SASS6: variants seen among roughly 807,000 people sequenced by gnomAD.
SASS6 encodes the protein SAS-6 centriolar assembly protein.
SASS6 carries 59 observed loss-of-function variants against 94.9 expected under a neutral mutation model. The observed-to-expected ratio is 0.62, with a 90% CI of 0.50 to 0.77. SASS6 has a LOEUF of 0.77. Ranked by LOEUF, SASS6 falls within the 30% of genes least tolerant of loss-of-function variation. The pLI, the probability that SASS6 is intolerant of heterozygous loss-of-function variation, is 0.00. For missense variants in SASS6, 698 were observed against 734.1 expected, an observed-to-expected ratio of 0.95 and a Z score of 0.57; for synonymous variants, 264 against 270.0, an observed-to-expected ratio of 0.98 and a Z score of 0.22.
At chr1:100,121,005 C>T (rs920497854) in intron 5 of SASS6, among the ~76,000 whole-genome samples, 1 of 148,544 alleles carries the variant, frequency 6.7e-6, no homozygotes, top group African/African-American at 2.5e-5. Flanking sequence ...AGCCGAGATC[C>T]CGCCACTGCA....
intron 15 of SASS6, among the ~76,000 whole-genome samples, chr1:100,086,271 G>A (rs1023735164): frequency 6.6e-6 from 1 of 152,016 alleles, no homozygotes; most frequent in African/African-American, 2.4e-5. Context: ...TTAAATGATG[G>A]TTGCTCTTGA....
Position 100,097,138 on chromosome 1 carries a change from A to G in SASS6, c.1674+5817T>C, listed in dbSNP as rs370978430. 2.1e-4 allele frequency among the ~76,000 whole-genome samples: 32 copies of G among 152,300 alleles called. No homozygotes were observed. In the South Asian group the frequency reaches 5.6e-3, roughly 27 times the overall value. ...TCAATAAATAAATAAAATCACAATG[A>G]GGTACTTCTATGCATGTATTAGAAT... On this transcript the variant is annotated intron_variant, in intron 14 of 16. Transcript: ENST00000287482.
At chr1:100,087,352 C>G (rs906477023) in intron 15 of SASS6, among the ~76,000 whole-genome samples, 4 of 152,106 alleles carry the variant, frequency 2.6e-5, no homozygotes, top group Admixed American at 2.6e-4. Context: ...GGATAAGAAC[C>G]CTCTTTGAGC....
chr1:100,110,568 T>C, intron 7 of SASS6, 85 bp from the exon 8 acceptor site: 1 of 662,918 alleles, frequency 1.5e-6, no homozygotes, highest in Non-Finnish European at 2.3e-6. Flanking sequence ...AAAAAAAAAT[T>C]GTAATTTCTT....
chr1:100,101,489 T>C (rs1446024385), intron 14 of SASS6, among the ~76,000 whole-genome samples: 1 of 152,120 alleles, frequency 6.6e-6, no homozygotes, highest in Non-Finnish European at 1.5e-5. Flanking sequence ...TATTATTTTA[T>C]AAGCCATCTT....
rs551358897 is a variant in SASS6, at chr1:100,123,392, T to C, written c.127-103A>G. 5.5e-5 allele frequency: 32 copies of C among 579,882 alleles called. No individual in the cohort carries two copies. In the Admixed American group the frequency reaches 1.0e-3, roughly 19 times the overall value. 35.9% of individuals were successfully genotyped at this position (579,882 alleles called of 1,614,324 possible). A position where few individuals can be genotyped will look rare whatever the true frequency, so the allele number is the denominator to read the frequency against. On this transcript the variant is annotated intron_variant, in intron 2 of 16. Transcript: ENST00000287482. ...ATCCAACAACATCAGTGTATCATAG[T>C]TATATTGCAGACAGCTTTGTTTTCT...
At position 100,110,306 on chromosome 1, in the gene SASS6, A is replaced by C; in HGVS notation, c.847T>G (p.Ser283Ala). The C allele has an allele frequency of 6.4e-7, 1 of 1,566,120 alleles. No homozygotes were observed. Among genetic ancestry groups the C allele is most frequent in the South Asian group, 1.2e-5 (1 of 83,058 alleles). Residue 283 changes from serine to alanine, a missense_variant, in exon 8 of 17, where the codon TCT becomes GCT. By Grantham distance (99) the Ser-to-Ala change is moderately conservative. Coordinates refer to ENST00000287482, the MANE Select transcript of SASS6 (RefSeq NM_194292.3). ...ACATTCAATACCTCTTCAACACCAG[A>C]AAGTTTTGCTTTAAGTTCTCTAATA... ...STIRELKAKL[S>A]GVEEELQRTK...
rs2101681863 is a variant in SASS6 at position 100,119,122 on chromosome 1, T to C, written c.565A>G (p.Lys189Glu). 1 of 1,564,932 alleles carries C rather than the reference T, an allele frequency of 6.4e-7. No homozygotes were observed. Among genetic ancestry groups the C allele is most frequent in the Non-Finnish European group, 8.7e-7 (1 of 1,144,894 alleles). The change falls in exon 7 of 17, where the codon AAA (lysine) becomes GAA (glutamate). Residue 189 changes from lysine to glutamate, a missense_variant. Physicochemically the swap from Lys to Glu is moderately conservative, Grantham distance 56. Transcript: ENST00000287482. ...DFTRKTLAEKKQELDKLRNEW... is the reference protein window; with the variant it reads ...DFTRKTLAEKEQELDKLRNEW... ...TTCCGTAACTTATCTAATTCTTGTT[T>C]TTTTTCTGCTAATGTCTACATTAGA...
At chr1:100,095,206 C>T (rs932884126) in intron 14 of SASS6, among the ~76,000 whole-genome samples, 3 of 152,154 alleles carry the variant, frequency 2.0e-5, no homozygotes, top group African/African-American at 7.2e-5. Flanking sequence ...AGGAACAAGG[C>T]CAGAATGTCT....
At position 100,110,381 on chromosome 1, in the gene SASS6, C is replaced by T. The variant is rs780249523; in HGVS notation, c.772G>A (p.Glu258Lys). ...HQLQNRLSEL[E>K]AANKDLTERK... ...TCGGTTAAGTCTTTATTAGCCGCTT[C>T]TAACTCAGACAGTCTGTTTTGTAGC... Residue 258 changes from glutamate to lysine, a missense_variant, in exon 8 of 17, where the codon GAA becomes AAA. Physicochemically the swap from Glu to Lys is moderately conservative, Grantham distance 56 (BLOSUM62 1). Coordinates refer to ENST00000287482, the MANE Select transcript of SASS6 (RefSeq NM_194292.3). 1.2e-6 allele frequency: 2 copies of T among 1,608,430 alleles called. No individual in the cohort carries two copies. The highest frequency in any genetic ancestry group is 2.2e-5 in the South Asian group (2 of 90,854).
chr1:100,087,143 G>A (rs1354327703), intron 15 of SASS6, among the ~76,000 whole-genome samples: 1 of 151,972 alleles, frequency 6.6e-6, no homozygotes, highest in African/African-American at 2.4e-5. Context: ...CACCACGCCC[G>A]GTTAATTTTT....
chr1:100,091,538 C>T (rs886563600), intron 14 of SASS6, among the ~76,000 whole-genome samples: 7 of 143,242 alleles, frequency 4.9e-5, no homozygotes, highest in Non-Finnish European at 9.0e-5. Context: ...CAAGATGACA[C>T]AAATACTGGA....
Position 100,125,890 on chromosome 1 carries a change from G to T in SASS6, c.118C>A (p.His40Asn). Residue 40 changes from histidine to asparagine, a missense_variant, in exon 2 of 17, where the codon CAC becomes AAC. Physicochemically the swap from His to Asn is moderately conservative, Grantham distance 68 (BLOSUM62 1). Transcript: ENST00000287482. ...IELQSVSNPV[H>N]RKDLVIRLTD... ...AAGGACTAAATACCAACCTTTCTGT[G>T]AACTGGATTAGAAACTGATTGTAGT... The T allele has an allele frequency of 1.3e-6, 2 of 1,528,216 alleles. No individual in the cohort carries two copies. Among genetic ancestry groups the T allele is most frequent in the African/African-American group, 1.4e-5 (1 of 72,458 alleles). The allele number at this position is 1,528,216 out of a possible 1,614,324, so 94.7% of individuals were successfully genotyped here.
intron 5 of SASS6, among the ~76,000 whole-genome samples, chr1:100,121,028 C>T (rs911687922): frequency 4.6e-4 from 60 of 131,484 alleles, no homozygotes; most frequent in Admixed American, 1.3e-3. Flanking sequence ...CCAGCCTGGG[C>T]GACAGAGCGA....
At chr1:100,087,868 T>G (rs1342163493) in intron 15 of SASS6, among the ~76,000 whole-genome samples, 1 of 152,218 alleles carries the variant, frequency 6.6e-6, no homozygotes, top group African/African-American at 2.4e-5. Flanking sequence ...TTCAGTTATG[T>G]AGGAAAATCT....
At position 100,121,453 on chromosome 1, in the gene SASS6, G is replaced by A; in HGVS notation, c.408C>T (p.His136=). The stretch of plus-strand genomic sequence containing the variant: ...TTCCAGGTAAAAGTTTTAGTGAGAG[G>A]TGTGTAAGATGCTTAAAAGGATTTG... ...VETNPFKHLT[H]LSLKLLPGND... is the part of the protein sequence containing the mutation. Residue 136 remains histidine (H), a synonymous_variant, in exon 5 of 17, where the codon CAC becomes CAT. Transcript: ENST00000287482. 1.9e-6 allele frequency: 3 copies of A among 1,598,506 alleles called. No homozygotes were observed. The highest frequency in any genetic ancestry group is 1.7e-5 in the Admixed American group (1 of 58,550).
chr1:100,101,962 T>G (rs1165076883), intron 14 of SASS6, among the ~76,000 whole-genome samples: 1 of 152,208 alleles, frequency 6.6e-6, no homozygotes, highest in African/African-American at 2.4e-5. Context: ...ATTTTATCTT[T>G]TATACAATAT....
chr1:100,103,546 C>T (rs139653970), intron 13 of SASS6, among the ~76,000 whole-genome samples: 2 of 152,244 alleles, frequency 1.3e-5, no homozygotes, highest in African/African-American at 4.8e-5. Flanking sequence ...ATACTGGCAC[C>T]ACACATTAAC....
chr1:100,125,592 T>C (rs568009572), intron 2 of SASS6, among the ~76,000 whole-genome samples: 5 of 148,380 alleles, frequency 3.4e-5, no homozygotes, highest in South Asian at 4.2e-4. Context: ...GGCAGGAGAA[T>C]TGTTTGAACC....
Sources: allele counts gnomAD v4.1 joint callset (sites outside exome capture counted in the v4.1 genomes callset), GRCh38; gene constraint gnomAD v4.1.1; transcripts MANE v1.5; gene names NCBI Gene and HGNC (gene_info 2026-07-23, HGNC 2026-07-21).